The following COA1 variants were observed in gnomAD, a reference collection of about 807,000 sequenced individuals.
COA1 encodes cytochrome c oxidase assembly factor 1 homolog.
A neutral mutation model predicts 16.0 loss-of-function variants in COA1; 13 were observed. That is an observed-to-expected ratio of 0.81 (90% CI 0.53 to 1.29). The LOEUF (loss-of-function observed/expected upper bound fraction) is 1.29. Among genes scored for constraint, COA1 ranks in the 50% most tolerant of loss-of-function variants. The probability of loss-of-function intolerance (pLI) is 0.00; values close to 1 mark genes in which losing one functional copy is unlikely to be tolerated. For synonymous variants in COA1, 65 were observed against 65.7 expected, an observed-to-expected ratio of 0.99 and a Z score of 0.05; for missense variants, 179 against 177.0, an observed-to-expected ratio of 1.01 and a Z score of -0.06.
intron 1 of COA1, among the ~76,000 whole-genome samples, chr7:43,707,415 T>C (rs546991566): frequency 2.6e-5 from 4 of 152,288 alleles, no homozygotes; most frequent in African/African-American, 9.6e-5. Flanking sequence ...AACATAAATG[T>C]TCAGCCCCAT....
At chr7:43,711,646 T>C (rs2095252535) in intron 1 of COA1, among the ~76,000 whole-genome samples, 2 of 152,220 alleles carry the variant, frequency 1.3e-5, no homozygotes, top group African/African-American at 2.4e-5. Context: ...AGCGTGTACT[T>C]ACACAAACCT....
intron 4 of COA1, among the ~76,000 whole-genome samples, chr7:43,644,696 TATAGATAGATAGATTAGATAGATAG>T (rs1441118184): frequency 0.11 from 10,992 of 101,860 alleles, 968 homozygotes; most frequent in Non-Finnish European, 0.15. Flanking sequence ...CTGGCTAAAT[TATAGATAGATAGATTAGATAGATAG>T]ATAGATAGAT....
At chr7:43,634,973 G>A (rs922877174), downstream of COA1, among the ~76,000 whole-genome samples, 1 of 152,166 alleles carries the variant, frequency 6.6e-6, no homozygotes, top group Non-Finnish European at 1.5e-5. Flanking sequence ...ATCTTTCACA[G>A]TAGTCTGATG....
At chr7:43,719,362 T>C (rs577860834) in intron 1 of COA1, among the ~76,000 whole-genome samples, 4 of 152,290 alleles carry the variant, frequency 2.6e-5, no homozygotes, top group South Asian at 2.1e-4. Context: ...CTATTACTTA[T>C]TAGGGATGCC....
At chr7:43,689,919 A>C (rs554430063) in intron 1 of COA1, among the ~76,000 whole-genome samples, 78 of 152,324 alleles carry the variant, frequency 5.1e-4, no homozygotes, top group African/African-American at 1.8e-3. Context: ...CCAATAATGG[A>C]GATAAAATGA....
In COA1 at chr7:43,628,003, G is replaced by C. The variant is rs4724233; in HGVS notation, c.*133+11446C>G. Among the ~76,000 whole-genome samples, 1,188 of 152,136 alleles carry C rather than the reference G, an allele frequency of 7.8e-3. 69 individuals carry two copies. The highest frequency in any genetic ancestry group is 0.072 in the Admixed American group (1,103 of 15,278). On this transcript the variant is annotated intron_variant and NMD_transcript_variant, in intron 6 of 6. Transcript: ENST00000415076. Reference sequence around the variant, plus strand: ...TTGTTTTGTTTTGTGTTGTGTTGTTGAGACTGGAGTTTTGCTCTTGTTGCC... The same window carrying C: ...TTGTTTTGTTTTGTGTTGTGTTGTTCAGACTGGAGTTTTGCTCTTGTTGCC...
intron 6 of COA1, among the ~76,000 whole-genome samples, chr7:43,618,679 C>T (rs978641403): frequency 4.6e-5 from 7 of 152,130 alleles, no homozygotes; most frequent in Non-Finnish European, 1.0e-4. Flanking sequence ...AATATATTTG[C>T]TTGTCTTTTT....
At chr7:43,680,239 A>G (rs1049674257) in intron 1 of COA1, among the ~76,000 whole-genome samples, 1 of 151,152 alleles carries the variant, frequency 6.6e-6, no homozygotes, top group African/African-American at 2.4e-5. Flanking sequence ...CCATTTCACC[A>G]GCACACACTT....
At chr7:43,684,596 G>A (rs1250003619) in intron 1 of COA1, among the ~76,000 whole-genome samples, 1 of 152,094 alleles carries the variant, frequency 6.6e-6, no homozygotes, top group African/African-American at 2.4e-5. Flanking sequence ...AAATTCAAGA[G>A]GAAAGGATAG....
chr7:43,692,592 A>G (rs1365780794), intron 1 of COA1, among the ~76,000 whole-genome samples: 2 of 152,190 alleles, frequency 1.3e-5, no homozygotes, highest in African/African-American at 4.8e-5. Flanking sequence ...AGAAAGGGGC[A>G]CAAGTGCAAC....
chr7:43,619,167 T>C (rs1161434830), intron 6 of COA1, among the ~76,000 whole-genome samples: 1 of 152,138 alleles, frequency 6.6e-6, no homozygotes, highest in African/African-American at 2.4e-5. Context: ...ATTATTGAAG[T>C]TATTGTGACC....
intron 4 of COA1, among the ~76,000 whole-genome samples, chr7:43,643,455 C>A (rs754146210): frequency 6.6e-6 from 1 of 152,062 alleles, no homozygotes; most frequent in African/African-American, 2.4e-5. Flanking sequence ...TCCGCCACAC[C>A]ATGGGAGCAA....
chr7:43,712,423 T>C (rs1441738356), intron 1 of COA1, among the ~76,000 whole-genome samples: 1 of 152,168 alleles, frequency 6.6e-6, no homozygotes, highest in Admixed American at 6.6e-5. Flanking sequence ...TCCTCCAGAA[T>C]TTTGAAGGCG....
chr7:43,671,267 C>T (rs1437460206), intron 1 of COA1, among the ~76,000 whole-genome samples: 1 of 150,518 alleles, frequency 6.6e-6, no homozygotes, highest in African/African-American at 2.4e-5. Context: ...TGACAAAAAA[C>T]AAATAGATAA....
chr7:43,717,777 G>A (rs1185498218), intron 1 of COA1, among the ~76,000 whole-genome samples: 2 of 152,154 alleles, frequency 1.3e-5, no homozygotes, highest in Non-Finnish European at 2.9e-5. Context: ...ATGTGTTGTG[G>A]GAGGGACCCA....
At chr7:43,634,832 C>CT (rs1401298918), downstream of COA1, among the ~76,000 whole-genome samples, 1 of 152,162 alleles carries the variant, frequency 6.6e-6, no homozygotes, top group Non-Finnish European at 1.5e-5. Flanking sequence ...CCGTTGGCTC[C>CT]TATTGGTGTT....
intron 6 of COA1, among the ~76,000 whole-genome samples, chr7:43,614,975 G>T (rs886421542): frequency 6.6e-6 from 1 of 152,172 alleles, no homozygotes; most frequent in South Asian, 2.1e-4. Context: ...AACATTCATA[G>T]AATGTACATG....
chr7:43,645,617 A>C, intron 3 of COA1: 1 of 497,012 alleles, frequency 2.0e-6, no homozygotes, highest in Non-Finnish European at 3.7e-6. Flanking sequence ...TGTGCAGATG[A>C]CCTTGGGCCT....
chr7:43,667,453 G>A (rs948528015), intron 1 of COA1, among the ~76,000 whole-genome samples: 28 of 152,026 alleles, frequency 1.8e-4, no homozygotes, highest in South Asian at 2.1e-4. Context: ...AAATTCTAAC[G>A]TCTAAGTATA....
Sources: gnomAD v4.1 joint callset for allele counts (sites outside exome capture counted in the v4.1 genomes callset) on GRCh38, gnomAD v4.1.1 for gene constraint, MANE v1.5 for transcripts, NCBI Gene and HGNC (gene_info 2026-07-23, HGNC 2026-07-21) for gene names.